TRDN: variants seen among roughly 807,000 people sequenced by gnomAD.
TRDN encodes triadin in skeletal muscle.
Under a neutral mutation model 149.7 loss-of-function variants are expected in TRDN, and 161 were observed. The ratio of observed to expected loss-of-function variants is 1.08; its 90% CI spans 0.95 to 1.23. The LOEUF (loss-of-function observed/expected upper bound fraction) is 1.23. Among genes scored for constraint, TRDN ranks in the 50% most tolerant of loss-of-function variants. The probability of loss-of-function intolerance (pLI) is 0.00; values close to 1 mark genes in which losing one functional copy is unlikely to be tolerated. For synonymous variants in TRDN, 294 were observed against 250.5 expected (o/e 1.17, Z -1.64); for missense variants, 896 against 823.5 (o/e 1.09, Z -1.08).
chr6:123,603,330 A>G (rs1784365387), intron 1 of TRDN, among the ~76,000 whole-genome samples: 1 of 152,112 alleles, frequency 6.6e-6, no homozygotes, highest in African/African-American at 2.4e-5. Context: ...AAACTTTAGT[A>G]CTATAAATTA....
Position 123,224,081 on chromosome 6 carries a change from C to G in TRDN, c.2014+12G>C, listed in dbSNP as rs757240744. 4 of 1,607,228 alleles carry G rather than the reference C, an allele frequency of 2.5e-6. No homozygotes were observed. On this transcript the variant is annotated intron_variant, in intron 39 of 40. Coordinates refer to ENST00000334268, the MANE Select transcript of TRDN (RefSeq NM_006073.4). ...AGAAAACTTGTAAATGATCCAAAGA[C>G]AGCAAACTCACCTTTAGCTTTCTTT...
chr6:123,302,533 G>A (rs765187314), intron 24 of TRDN, among the ~76,000 whole-genome samples: 5 of 152,038 alleles, frequency 3.3e-5, no homozygotes, highest in African/African-American at 7.2e-5. Context: ...CAGGAATGGC[G>A]AAGACCTCAC....
At chr6:123,325,167 GATT>G (rs1040702933) in intron 23 of TRDN, among the ~76,000 whole-genome samples, 3 of 151,936 alleles carry the variant, frequency 2.0e-5, no homozygotes, top group African/African-American at 7.3e-5. Context: ...AGAAAAATAA[GATT>G]ATTTTTAGTG....
At chr6:123,580,306 G>A (rs1256559263) in intron 1 of TRDN, among the ~76,000 whole-genome samples, 1 of 152,102 alleles carries the variant, frequency 6.6e-6, no homozygotes, top group Non-Finnish European at 1.5e-5. Flanking sequence ...AAGCAATGAT[G>A]AGAGCATAAC....
rs182998294 is a variant in TRDN, at chr6:123,481,133, C to T, written c.853+16060G>A. ...TTACAGTCAGCTTAATGGATACTCA[C>T]GAAATTTAAAAGTAAACCATATCCA... On this transcript the variant is annotated intron_variant, in intron 9 of 40. Coordinates refer to ENST00000334268, the MANE Select transcript of TRDN (RefSeq NM_006073.4). Among the ~76,000 whole-genome samples the T allele has an allele frequency of 6.2e-3, 940 of 152,152 alleles. 18 individuals carry two copies. The highest frequency in any genetic ancestry group is 0.044 in the South Asian group (210 of 4,822).
intron 1 of TRDN, among the ~76,000 whole-genome samples, chr6:123,580,169 T>C (rs79531906): frequency 2.6e-3 from 390 of 152,292 alleles, no homozygotes; most frequent in African/African-American, 9.2e-3. Context: ...AGGGTACTTG[T>C]TACTGACCAT....
intron 10 of TRDN, among the ~76,000 whole-genome samples, chr6:123,457,176 CAGTT>C (rs1416729679): frequency 6.6e-6 from 1 of 152,164 alleles, no homozygotes; most frequent in African/African-American, 2.4e-5. Flanking sequence ...CTAGCATTAA[CAGTT>C]AGGAAAGGGC....
intron 10 of TRDN, chr6:123,442,302 G>C (rs1774946135): frequency 9.0e-6 from 1 of 111,364 alleles, no homozygotes; most frequent in Non-Finnish European, 1.8e-5. Context: ...CCAGCACTTT[G>C]GGAGGCCGAG....
At chr6:123,278,191 T>C in intron 26 of TRDN, 127 bp downstream of exon 26, 1 of 632,886 alleles carries the variant, frequency 1.6e-6, no homozygotes, top group Non-Finnish European at 2.4e-6. Context: ...TGTTAGTTTT[T>C]TTTTAAGTTG....
intron 2 of TRDN, among the ~76,000 whole-genome samples, chr6:123,549,831 T>G (rs1039887073): frequency 4.6e-5 from 7 of 152,030 alleles, no homozygotes; most frequent in Non-Finnish European, 8.8e-5. Context: ...ACAGAATTAA[T>G]AGTAGAAGCT....
At chr6:123,394,567 T>C (rs940397257) in intron 12 of TRDN, among the ~76,000 whole-genome samples, 1 of 152,184 alleles carries the variant, frequency 6.6e-6, no homozygotes, top group African/African-American at 2.4e-5. Context: ...GTTAGGTGGA[T>C]ATGTAGTAGT....
At chr6:123,494,836 C>T (rs914732545) in intron 9 of TRDN, among the ~76,000 whole-genome samples, 1 of 151,968 alleles carries the variant, frequency 6.6e-6, no homozygotes, top group African/African-American at 2.4e-5. Flanking sequence ...CAGGTTCAAG[C>T]AATTCTCCTG....
intron 24 of TRDN, among the ~76,000 whole-genome samples, chr6:123,301,453 T>C (rs1428770279): frequency 1.3e-5 from 2 of 151,856 alleles, no homozygotes; most frequent in African/African-American, 2.4e-5. Flanking sequence ...TTGATCTTTG[T>C]GAGTCCACTT....
intron 1 of TRDN, among the ~76,000 whole-genome samples, chr6:123,598,350 G>A (rs779978394): frequency 2.0e-5 from 3 of 151,990 alleles, no homozygotes; most frequent in Non-Finnish European, 4.4e-5. Flanking sequence ...AGATCGTATT[G>A]TATGTATATT....
chr6:123,436,357 C>T (rs761609267), intron 12 of TRDN, among the ~76,000 whole-genome samples: 35 of 152,060 alleles, frequency 2.3e-4, no homozygotes, highest in Non-Finnish European at 2.4e-4. Context: ...ATAATACAGC[C>T]TTAATAATGG....
intron 29 of TRDN, among the ~76,000 whole-genome samples, chr6:123,272,592 T>C (rs1169559220): frequency 6.6e-6 from 1 of 151,882 alleles, no homozygotes; most frequent in Non-Finnish European, 1.5e-5. Flanking sequence ...TTTTGGGACT[T>C]GGAGAGTCTA....
intron 16 of TRDN, among the ~76,000 whole-genome samples, chr6:123,378,913 T>G (rs1781612208): frequency 1.3e-5 from 2 of 152,206 alleles, no homozygotes; most frequent in South Asian, 4.1e-4. Flanking sequence ...AAGATTAAGC[T>G]GACATTTACA....
At chr6:123,526,170 G>A (rs190983079) in intron 5 of TRDN, among the ~76,000 whole-genome samples, 1 of 152,018 alleles carries the variant, frequency 6.6e-6, no homozygotes, top group Non-Finnish European at 1.5e-5. Flanking sequence ...ATTTAAAGAT[G>A]CATACAGTCT....
At chr6:123,345,203 G>A (rs1424528380) in intron 21 of TRDN, among the ~76,000 whole-genome samples, 1 of 151,894 alleles carries the variant, frequency 6.6e-6, no homozygotes, top group African/African-American at 2.4e-5. Context: ...GATCCACTTT[G>A]AGTTAATTTT....
Sources: gnomAD v4.1 joint callset for allele counts (sites outside exome capture counted in the v4.1 genomes callset) on GRCh38, gnomAD v4.1.1 for gene constraint, MANE v1.5 for transcripts, NCBI Gene and HGNC (gene_info 2026-07-23, HGNC 2026-07-21) for gene names.